Variants in SSH2 observed in about 807,000 individuals in gnomAD.
SSH2 encodes the protein slingshot protein phosphatase 2.
Under a neutral mutation model 135.2 loss-of-function variants are expected in SSH2, and 37 were observed. The ratio of observed to expected loss-of-function variants is 0.27; its 90% CI spans 0.21 to 0.36. SSH2 has a LOEUF of 0.36. Ranked by LOEUF, SSH2 falls within the 10% of genes least tolerant of loss-of-function variation. The pLI is 1.00. For missense variants in SSH2, 1,408 were observed against 1,765.3 expected, an observed-to-expected ratio of 0.80 and a Z score of 3.63; for synonymous variants, 628 against 646.2, an observed-to-expected ratio of 0.97 and a Z score of 0.43.
chr17:29,892,676 A>G (rs1393444700), intron 1 of SSH2, among the ~76,000 whole-genome samples: 1 of 152,124 alleles, frequency 6.6e-6, no homozygotes, highest in Non-Finnish European at 1.5e-5. Context: ...AACAATAAAC[A>G]TAACAATCTT....
chr17:29,737,124 A>T lies in SSH2; in HGVS notation c.189-34062T>A, dbSNP rs867403619. ...AAAAAAAAAAAAAAAAAAAAAAAAAAAGGCTAATTTTTGTAACAGTTAACA... is the reference window on the plus strand; with the variant it reads ...AAAAAAAAAAAAAAAAAAAAAAAAATAGGCTAATTTTTGTAACAGTTAACA... On this transcript the variant is annotated intron_variant, in intron 3 of 15. Coordinates refer to ENST00000540801, the MANE Select transcript of SSH2 (RefSeq NM_001282129.2). Among the ~76,000 whole-genome samples the T allele has an allele frequency of 2.4e-4, 34 of 143,416 alleles. 1 individual carries two copies. The highest frequency in any genetic ancestry group is 8.4e-4 in the African/African-American group (32 of 38,230). The allele number at this position is 143,416 out of a possible 152,430, so 94.1% of individuals were successfully genotyped here. A position where few individuals can be genotyped will look rare whatever the true frequency, so the allele number is the denominator to read the frequency against.
At chr17:29,848,780 T>TATTA (rs2151387139) in intron 2 of SSH2, 69 bp downstream of exon 2, 1 of 1,030,466 alleles carries the variant, frequency 9.7e-7, no homozygotes, top group East Asian at 2.6e-5. Context: ...TTGCATTTAA[T>TATTA]AGCCAAATTT....
rs529741676 is a variant in SSH2, at chr17:29,900,399, T to C, written c.63+29539A>G. Among the ~76,000 whole-genome samples, 813 of 152,234 alleles carry C rather than the reference T, an allele frequency of 5.3e-3. 6 individuals are homozygous for C. Among genetic ancestry groups the C allele is most frequent in the African/African-American group, 0.018 (768 of 41,536 alleles). Reference sequence around the variant, plus strand: ...ATCTACTCATCTGACAAAGGGCTAATATCCAGAATCTACAAAGAACTCAAA... The same window carrying C: ...ATCTACTCATCTGACAAAGGGCTAACATCCAGAATCTACAAAGAACTCAAA... On this transcript the variant is annotated intron_variant, in intron 1 of 15. Transcript: ENST00000540801.
intron 2 of SSH2, among the ~76,000 whole-genome samples, chr17:29,818,842 C>T (rs944744143): frequency 6.6e-6 from 1 of 151,718 alleles, no homozygotes. Context: ...CATCCCAACA[C>T]TTTGGAAGGC....
chr17:29,658,679 C>T (rs891251929), intron 11 of SSH2, among the ~76,000 whole-genome samples: 1 of 151,902 alleles, frequency 6.6e-6, no homozygotes, highest in African/African-American at 2.4e-5. Flanking sequence ...ACCAGCCTGA[C>T]CACCATGGAG....
intron 2 of SSH2, among the ~76,000 whole-genome samples, chr17:29,820,892 T>C (rs536845305): frequency 6.6e-6 from 1 of 152,186 alleles, no homozygotes; most frequent in East Asian, 1.9e-4. Context: ...TTCCCAGGGG[T>C]ACTTGGACTA....
At chr17:29,648,105 C>A (rs370342345) in intron 14 of SSH2, 39 bp downstream of exon 14, 16 of 1,594,044 alleles carry the variant, frequency 1.0e-5, no homozygotes, top group Non-Finnish European at 1.3e-5. Context: ...CTTTAGGGAA[C>A]TTAAAAGGAG....
At chr17:29,709,048 A>AGAGAGAGAGAGAGG (rs1283211605) in intron 3 of SSH2, among the ~76,000 whole-genome samples, 1 of 147,748 alleles carries the variant, frequency 6.8e-6, no homozygotes, top group African/African-American at 2.5e-5. Context: ...AGAGAGAGAG[A>AGAGAGAGAGAGAGG]GAGAGCTAAT....
chr17:29,684,501 AAAG>A, intron 6 of SSH2, 59 bp downstream of exon 6: 5 of 1,478,334 alleles, frequency 3.4e-6, no homozygotes, highest in East Asian at 2.4e-5. Flanking sequence ...AAAAAAAAAA[AAAG>A]CAACTGGAAC....
intron 3 of SSH2, among the ~76,000 whole-genome samples, chr17:29,713,246 A>T (rs1220272322): frequency 6.6e-6 from 1 of 152,104 alleles, no homozygotes; most frequent in Admixed American, 6.5e-5. Flanking sequence ...GAGGCAGGAG[A>T]ATTGCTTGAA....
chr17:29,896,767 A>G (rs2066453276), intron 1 of SSH2, among the ~76,000 whole-genome samples: 1 of 151,694 alleles, frequency 6.6e-6, no homozygotes, highest in African/African-American at 2.4e-5. Flanking sequence ...TAATATTACA[A>G]AATACAAGCA....
At chr17:29,872,142 C>A (rs1265866443) in intron 1 of SSH2, among the ~76,000 whole-genome samples, 2 of 152,168 alleles carry the variant, frequency 1.3e-5, no homozygotes, top group African/African-American at 4.8e-5. Context: ...TAAATTGTTT[C>A]TTTTGTATTA....
intron 5 of SSH2, among the ~76,000 whole-genome samples, chr17:29,693,673 T>C (rs1341732351): frequency 6.6e-6 from 1 of 152,160 alleles, no homozygotes; most frequent in Non-Finnish European, 1.5e-5. Flanking sequence ...TATAAATGTA[T>C]AATGTTACTT....
At chr17:29,702,466 C>T (rs2039024485) in intron 4 of SSH2, among the ~76,000 whole-genome samples, 1 of 151,746 alleles carries the variant, frequency 6.6e-6, no homozygotes, top group Admixed American at 6.6e-5. Flanking sequence ...GCCAGCCTGG[C>T]TAATGTGGTA....
intron 3 of SSH2, among the ~76,000 whole-genome samples, chr17:29,736,895 C>T (rs573662444): frequency 1.4e-4 from 20 of 147,732 alleles, no homozygotes; most frequent in African/African-American, 4.7e-4. Flanking sequence ...GTCAGGAGAT[C>T]GAGACCATCC....
intron 2 of SSH2, among the ~76,000 whole-genome samples, chr17:29,845,300 GC>G (rs921070843): frequency 1.3e-5 from 2 of 152,052 alleles, no homozygotes; most frequent in Non-Finnish European, 2.9e-5. Context: ...GCAAATAACT[GC>G]CCCCCACCCC....
chr17:29,707,662 A>G (rs2151137356), intron 3 of SSH2, among the ~76,000 whole-genome samples: 1 of 151,948 alleles, frequency 6.6e-6, no homozygotes, highest in South Asian at 2.1e-4. Context: ...AACAGCTGGG[A>G]CTATGGGCAT....
intron 3 of SSH2, among the ~76,000 whole-genome samples, chr17:29,769,568 C>T (rs928189934): frequency 1.3e-5 from 2 of 152,104 alleles, no homozygotes; most frequent in Admixed American, 6.5e-5. Flanking sequence ...GTAGTTTTTA[C>T]ACAACATCCT....
At chr17:29,866,930 T>C (rs373748675) in intron 1 of SSH2, among the ~76,000 whole-genome samples, 3 of 152,050 alleles carry the variant, frequency 2.0e-5, no homozygotes, top group African/African-American at 7.2e-5. Flanking sequence ...TCACCAGGGC[T>C]CACACGATCC....
Sources: allele counts gnomAD v4.1 joint callset (sites outside exome capture counted in the v4.1 genomes callset), GRCh38; gene constraint gnomAD v4.1.1; transcripts MANE v1.5; gene names NCBI Gene and HGNC (gene_info 2026-07-23, HGNC 2026-07-21).